The following LRSAM1 variants were observed in gnomAD, a reference collection of about 807,000 sequenced individuals.
LRSAM1 encodes the protein E3 ubiquitin-protein ligase LRSAM1.
A neutral mutation model predicts 118.1 loss-of-function variants in LRSAM1; 96 were observed. The ratio of observed to expected loss-of-function variants is 0.81; its 90% CI spans 0.69 to 0.96. The LOEUF is 0.96. Ranked by LOEUF, LRSAM1 falls within the 40% of genes least tolerant of loss-of-function variation. The pLI, the probability that LRSAM1 is intolerant of heterozygous loss-of-function variation, is 0.00. For missense variants in LRSAM1, 804 were observed against 915.5 expected (o/e 0.88, Z 1.57); for synonymous variants, 322 against 364.2 (o/e 0.88, Z 1.32).
rs117433711 is a variant in LRSAM1 at position 127,498,381 on chromosome 9, A to C, written c.1912+1047A>C. On this transcript the variant is annotated intron_variant, in intron 24 of 25. Coordinates refer to ENST00000300417, the MANE Select transcript of LRSAM1 (RefSeq NM_001005373.4). ...CCCCAGCTCTCAGACTGGAGATCAG[A>C]AGAGTTTTCCATCAGGAGTTGGGGT... Among the ~76,000 whole-genome samples, 331 of 152,336 alleles carry C rather than the reference A, an allele frequency of 2.2e-3. 3 individuals are homozygous for C. In the East Asian group the frequency reaches 0.042, roughly 19 times the overall value.
At position 127,496,067 on chromosome 9, in the gene LRSAM1, G is replaced by C. The variant is rs201137230; in HGVS notation, c.1802G>C (p.Ser601Thr). The C allele has an allele frequency of 1.2e-6, 2 of 1,611,252 alleles. No homozygotes were observed. The highest frequency in any genetic ancestry group is 8.5e-7 in the Non-Finnish European group (1 of 1,180,020). ...AHHRLSLDLL[S>T]QMSPGDLAKV... Reference sequence around the variant, plus strand: ...CACCGCCTCTCACTGGACCTGCTGAGCCAAATGAGCCCAGGGGACCTGGCC... The same window carrying C: ...CACCGCCTCTCACTGGACCTGCTGACCCAAATGAGCCCAGGGGACCTGGCC... The change falls in exon 23 of 26, where the codon AGC becomes ACC. Residue 601 changes from serine (S) to threonine (T), a missense_variant. By Grantham distance (58) the Ser-to-Thr change is moderately conservative. Coordinates refer to ENST00000300417, the MANE Select transcript of LRSAM1 (RefSeq NM_001005373.4).
At chr9:127,466,504 A>ATTTTTTTT (rs869115663) in intron 9 of LRSAM1, among the ~76,000 whole-genome samples, 3 of 24,530 alleles carry the variant, frequency 1.2e-4, no homozygotes, top group African/African-American at 3.1e-4. Context: ...ATATATATAT[A>ATTTTTTTT]TTTTTTTTTT....
chr9:127,473,434 T>C (rs1835244586), intron 10 of LRSAM1, among the ~76,000 whole-genome samples: 1 of 152,174 alleles, frequency 6.6e-6, no homozygotes, highest in African/African-American at 2.4e-5. Context: ...AAACCACACA[T>C]GGCCAGAGAA....
chr9:127,479,109 C>A, intron 12 of LRSAM1, 146 bp downstream of exon 12: 2 of 941,068 alleles, frequency 2.1e-6, no homozygotes, highest in Non-Finnish European at 3.3e-6. Context: ...TCTGCTGCAT[C>A]CTCACATGCC....
chr9:127,496,265 G>A (rs1006513698), intron 23 of LRSAM1, among the ~76,000 whole-genome samples, 170 bp downstream of exon 23: 2 of 152,252 alleles, frequency 1.3e-5, no homozygotes, highest in Admixed American at 6.5e-5. Context: ...TGCCCCAGCC[G>A]CCTGTGTGTG....
In LRSAM1 at chr9:127,478,945, AG is replaced by A; in HGVS notation, c.763del (p.Asp255ThrfsTer56). ...TTTTTTCCTCCCAGAACAGGTTCTC[AG>A]ACTATGAGAAGAGGAAGGTAAGAAA... ...EELEWQNRFS[D>X]YEKRKEQKML... On this transcript the variant is annotated frameshift_variant, in exon 12 of 26. Coordinates refer to ENST00000300417, the MANE Select transcript of LRSAM1 (RefSeq NM_001005373.4). LOFTEE classifies it high-confidence loss of function. The A allele has an allele frequency of 6.2e-7, 1 of 1,614,142 alleles. No homozygotes were observed. Among genetic ancestry groups the A allele is most frequent in the South Asian group, 1.1e-5 (1 of 91,088 alleles).
intron 21 of LRSAM1, among the ~76,000 whole-genome samples, chr9:127,494,428 T>C (rs771751705): frequency 3.9e-5 from 6 of 152,220 alleles, no homozygotes; most frequent in Non-Finnish European, 7.3e-5. Context: ...CTCATCACCC[T>C]GAACCTCAGC....
intron 24 of LRSAM1, among the ~76,000 whole-genome samples, chr9:127,499,388 T>A (rs1310183591): frequency 5.3e-5 from 8 of 150,912 alleles, no homozygotes; most frequent in Admixed American, 1.3e-4. Context: ...AACAAAAAAA[T>A]TAAAAAAAAT....
chr9:127,482,557 T>G (rs1206521421), intron 15 of LRSAM1, among the ~76,000 whole-genome samples: 3 of 152,220 alleles, frequency 2.0e-5, no homozygotes, highest in African/African-American at 7.2e-5. Context: ...AAGTGCCCAT[T>G]TCTCCACCAC....
intron 5 of LRSAM1, among the ~76,000 whole-genome samples, chr9:127,456,523 GC>G (rs1172778304): frequency 6.6e-6 from 1 of 151,666 alleles, no homozygotes; most frequent in Non-Finnish European, 1.5e-5. Flanking sequence ...GAGCCACCAC[GC>G]CCAGTCTGTG....
Position 127,465,860 on chromosome 9 carries a change from C to T in LRSAM1, c.529-1880C>T, listed in dbSNP as rs111740531. Among the ~76,000 whole-genome samples, 2 of 152,146 alleles carry T rather than the reference C, an allele frequency of 1.3e-5. No individual in the cohort carries two copies. Among genetic ancestry groups the T allele is most frequent in the Admixed American group, 6.5e-5 (1 of 15,268 alleles). On this transcript the variant is annotated intron_variant, in intron 9 of 25. Coordinates refer to ENST00000300417, the MANE Select transcript of LRSAM1 (RefSeq NM_001005373.4). The surrounding 1 kb of genome is among the most constrained non-coding windows in gnomAD (Gnocchi z 4.1). ...GGGCAGGGTCCAACACAACTCACAC[C>T]GTGGATGGGGCAGTTCTGTGGCTGT... is the stretch of plus-strand genomic sequence containing the variant.
At chr9:127,479,103 C>G (rs1835437391) in intron 12 of LRSAM1, 140 bp downstream of exon 12, 2 of 964,092 alleles carry the variant, frequency 2.1e-6, no homozygotes, top group African/African-American at 3.2e-5. Flanking sequence ...ACGCAGTCTG[C>G]TGCATCCTCA....
intron 8 of LRSAM1, 74 bp downstream of exon 8, chr9:127,461,331 C>T (rs1313671281): frequency 1.4e-6 from 2 of 1,397,658 alleles, no homozygotes; most frequent in East Asian, 2.4e-5. Context: ...CCACAGGCTG[C>T]CCCGCCCGGG....
In LRSAM1 at chr9:127,470,607, A is replaced by C. The variant is rs769500816; in HGVS notation, c.619+2777A>C. Among the ~76,000 whole-genome samples, 36 of 152,122 alleles carry C rather than the reference A, an allele frequency of 2.4e-4. 1 individual carries two copies. Among genetic ancestry groups the C allele is most frequent in the Non-Finnish European group, 4.3e-4 (29 of 67,970 alleles). ...ATTTATGCCAGTCCAACCTGGAAAC[A>C]GCTTTAATGTCCATTAGGAGTAGAA... On this transcript the variant is annotated intron_variant, in intron 10 of 25. Coordinates refer to ENST00000300417, the MANE Select transcript of LRSAM1 (RefSeq NM_001005373.4).
In LRSAM1 at chr9:127,494,837, C is replaced by T. The variant is rs184592294; in HGVS notation, c.1600-483C>T. 4.9e-4 allele frequency among the ~76,000 whole-genome samples: 74 copies of T among 152,256 alleles called. 2 individuals are homozygous for T. In the East Asian group the frequency reaches 8.9e-3, roughly 18 times the overall value. On this transcript the variant is annotated intron_variant, in intron 21 of 25. Transcript: ENST00000300417. ...GCACACACCTGTAGTCCCAGCTACT[C>T]GGGCACTCCAGCCTGGGTGACAGAG...
chr9:127,479,351 T>A, intron 12 of LRSAM1, 32 bp from the exon 13 acceptor site: 1 of 1,613,960 alleles, frequency 6.2e-7, no homozygotes, highest in South Asian at 1.1e-5. Flanking sequence ...CCAGGGCCTG[T>A]GCTGACAGTC....
rs1450608434 is a variant in LRSAM1 at position 127,487,277 on chromosome 9, T to C, written c.1260-399T>C. Among the ~76,000 whole-genome samples the C allele has an allele frequency of 4.0e-5, 6 of 151,812 alleles. No individual in the cohort carries two copies. In the East Asian group the frequency reaches 1.2e-3, roughly 30 times the overall value. On this transcript the variant is annotated intron_variant, in intron 17 of 25. Transcript: ENST00000300417. ...GCCCAAGTCAAGGGCTGCTCCTTGC[T>C]CCCTGCCCAGGGTGAGAGTGCCGGG...
chr9:127,452,694 C>A (rs978489895), intron 2 of LRSAM1, among the ~76,000 whole-genome samples: 1 of 152,222 alleles, frequency 6.6e-6, no homozygotes, highest in African/African-American at 2.4e-5. Flanking sequence ...TCACACTTTA[C>A]AGATGAGGAA....
intron 9 of LRSAM1, among the ~76,000 whole-genome samples, chr9:127,464,167 C>T (rs1424616602): frequency 6.6e-6 from 1 of 152,232 alleles, no homozygotes; most frequent in Non-Finnish European, 1.5e-5. Flanking sequence ...GGTGGGTGAT[C>T]ACAGAGACAG....
Sources: gnomAD v4.1 joint callset for allele counts (sites outside exome capture counted in the v4.1 genomes callset) on GRCh38, gnomAD v4.1.1 for gene constraint, Gnocchi (gnomAD v3.1) non-coding constraint, MANE v1.5 for transcripts, NCBI Gene and HGNC (gene_info 2026-07-23, HGNC 2026-07-21) for gene names.